The following MYO3B variants were observed in gnomAD, a reference collection of about 807,000 sequenced individuals.
The protein encoded by MYO3B is myosin IIIB.
Under a neutral mutation model 174.6 loss-of-function variants are expected in MYO3B, and 156 were observed. The observed-to-expected ratio is 0.89, with a 90% CI of 0.78 to 1.02. MYO3B has a LOEUF of 1.02. MYO3B is among the 50% of genes least tolerant of loss of function. The pLI is 0.00. For synonymous variants in MYO3B, 563 were observed against 569.1 expected, an observed-to-expected ratio of 0.99 and a Z score of 0.15; for missense variants, 1,632 against 1,639.4, an observed-to-expected ratio of 1.00 and a Z score of 0.08.
intron 32 of MYO3B, among the ~76,000 whole-genome samples, chr2:170,548,978 T>A (rs577971959): frequency 2.0e-5 from 3 of 152,354 alleles, no homozygotes; most frequent in Admixed American, 2.0e-4. Flanking sequence ...TGCTATGGTC[T>A]AAAAAACAGG....
chr2:170,649,141 T>A (rs1303860244), intron 32 of MYO3B, among the ~76,000 whole-genome samples: 17 of 71,308 alleles, frequency 2.4e-4, no homozygotes, highest in African/African-American at 1.1e-3. Flanking sequence ...AAATAATATA[T>A]AATATATTAT....
chr2:170,391,632 G>A lies in MYO3B; in HGVS notation c.1676+14G>A. 1 of 1,456,752 alleles carries A rather than the reference G, an allele frequency of 6.9e-7. No individual in the cohort carries two copies. Among genetic ancestry groups the A allele is most frequent in the Non-Finnish European group, 9.4e-7 (1 of 1,066,092 alleles). The allele number at this position is 1,456,752 out of a possible 1,614,324, so 90.2% of individuals were successfully genotyped here. A position where few individuals can be genotyped will look rare whatever the true frequency, so the allele number is the denominator to read the frequency against. ...AAAACCTCCTAGGTAAGTGTCAGGG[G>A]GGTTGGTTGTTAATTTTTGATGAAT... On this transcript the variant is annotated intron_variant, in intron 15 of 34. Transcript: ENST00000408978.
At chr2:170,391,936 C>G (rs1164710453) in intron 15 of MYO3B, among the ~76,000 whole-genome samples, 1 of 151,812 alleles carries the variant, frequency 6.6e-6, no homozygotes, top group East Asian at 1.9e-4. Context: ...GGGAGGATTA[C>G]TTGAAGCCTG....
chr2:170,587,099 T>C (rs1467913198), intron 32 of MYO3B, among the ~76,000 whole-genome samples: 1 of 152,240 alleles, frequency 6.6e-6, no homozygotes, highest in African/African-American at 2.4e-5. Flanking sequence ...AGAGAAAAAT[T>C]ACATAAACAT....
chr2:170,524,505 A>G (rs905598685), intron 30 of MYO3B: 1 of 449,640 alleles, frequency 2.2e-6, no homozygotes. Context: ...GTTTTTTGAG[A>G]TGGAGTTTCA....
chr2:170,585,982 A>G (rs1693476919), intron 32 of MYO3B, among the ~76,000 whole-genome samples: 1 of 152,156 alleles, frequency 6.6e-6, no homozygotes, highest in Non-Finnish European at 1.5e-5. Context: ...GGGAGGTTGC[A>G]TTCCAGCCTG....
chr2:170,614,545 T>A (rs964791708), intron 32 of MYO3B, among the ~76,000 whole-genome samples: 1 of 152,212 alleles, frequency 6.6e-6, no homozygotes, highest in African/African-American at 2.4e-5. Flanking sequence ...CACTTACTCC[T>A]CTTTGCTGTG....
intron 3 of MYO3B, among the ~76,000 whole-genome samples, chr2:170,210,910 A>G (rs981578691): frequency 6.6e-6 from 1 of 152,238 alleles, no homozygotes; most frequent in African/African-American, 2.4e-5. Flanking sequence ...GTAACTACAC[A>G]GACAGGCAGA....
intron 25 of MYO3B, among the ~76,000 whole-genome samples, chr2:170,470,621 A>T (rs1684927750): frequency 6.6e-6 from 1 of 152,208 alleles, no homozygotes; most frequent in African/African-American, 2.4e-5. Flanking sequence ...GTATATACCT[A>T]CGAGTAGAAT....
At chr2:170,632,378 A>C (rs1339698515) in intron 32 of MYO3B, among the ~76,000 whole-genome samples, 3 of 152,222 alleles carry the variant, frequency 2.0e-5, no homozygotes, top group African/African-American at 7.2e-5. Context: ...CTGAATGACT[A>C]CTGGGTACAT....
At chr2:170,372,562 G>A (rs1187453897) in intron 9 of MYO3B, among the ~76,000 whole-genome samples, 2 of 152,196 alleles carry the variant, frequency 1.3e-5, no homozygotes, top group Non-Finnish European at 2.9e-5. Context: ...CAGGCCCTAT[G>A]CTGAACAGAG....
At chr2:170,432,579 A>ATT (rs777859423) in intron 22 of MYO3B, among the ~76,000 whole-genome samples, 5 of 145,340 alleles carry the variant, frequency 3.4e-5, no homozygotes, top group Admixed American at 6.9e-5. Context: ...AAAAAAAGAA[A>ATT]TTTTTTTTTT....
chr2:170,623,926 G>C (rs192290175), intron 32 of MYO3B, among the ~76,000 whole-genome samples: 283 of 152,176 alleles, frequency 1.9e-3, no homozygotes, highest in Non-Finnish European at 3.3e-3. Context: ...TGTTCCATTG[G>C]TCTATATTTC....
intron 32 of MYO3B, among the ~76,000 whole-genome samples, chr2:170,590,531 G>A (rs189323819): frequency 4.7e-4 from 71 of 151,496 alleles, no homozygotes; most frequent in South Asian, 8.4e-4. Flanking sequence ...ACCAGCTGAG[G>A]CTACTTTCTT....
intron 32 of MYO3B, among the ~76,000 whole-genome samples, chr2:170,581,096 A>C (rs1693118393): frequency 6.6e-6 from 1 of 152,198 alleles, no homozygotes; most frequent in African/African-American, 2.4e-5. Flanking sequence ...AATATTGCCA[A>C]CTTGCTCTCC....
chr2:170,555,936 T>C (rs80305894), intron 32 of MYO3B, among the ~76,000 whole-genome samples: 18,619 of 150,488 alleles, frequency 0.12, 2,140 homozygotes, highest in African/African-American at 0.31. Context: ...TGGCTCATGC[T>C]TGTAATCCCA....
Position 170,391,626 on chromosome 2 carries a change from T to C in MYO3B, c.1676+8T>C. ...TGAGGAAAAACCTCCTAGGTAAGTG[T>C]CAGGGGGGTTGGTTGTTAATTTTTG... On this transcript the variant is annotated splice_region_variant and intron_variant, in intron 15 of 34. Coordinates refer to ENST00000408978, the MANE Select transcript of MYO3B (RefSeq NM_138995.5). The C allele has an allele frequency of 6.7e-7, 1 of 1,494,614 alleles. No homozygotes were observed. The highest frequency in any genetic ancestry group is 9.1e-7 in the Non-Finnish European group (1 of 1,097,800). 92.6% of individuals were successfully genotyped at this position (1,494,614 alleles called of 1,614,324 possible). A position where few individuals can be genotyped will look rare whatever the true frequency, so the allele number is the denominator to read the frequency against.
chr2:170,624,024 T>C lies in MYO3B; in HGVS notation c.3734-27604T>C, dbSNP rs183491246. ...GGTAGTGTGATGCCTCCAGCTTTGTTCTTTTGGCTTCAGATTGACTTGGCA... is the reference window on the plus strand; with the variant it reads ...GGTAGTGTGATGCCTCCAGCTTTGTCCTTTTGGCTTCAGATTGACTTGGCA... On this transcript the variant is annotated intron_variant, in intron 32 of 34. Coordinates refer to ENST00000408978, the MANE Select transcript of MYO3B (RefSeq NM_138995.5). Among the ~76,000 whole-genome samples the C allele has an allele frequency of 6.6e-5, 10 of 152,372 alleles. No individual in the cohort carries two copies. The East Asian group carries it at 1.7e-3, about 26-fold the overall frequency.
At chr2:170,413,810 C>T (rs1449616921) in intron 22 of MYO3B, among the ~76,000 whole-genome samples, 3 of 151,954 alleles carry the variant, frequency 2.0e-5, no homozygotes, top group Admixed American at 2.0e-4. Context: ...GAGGCCGAGG[C>T]GGGTGGATCA....
Sources: allele counts gnomAD v4.1 joint callset (sites outside exome capture counted in the v4.1 genomes callset), GRCh38; gene constraint gnomAD v4.1.1; transcripts MANE v1.5; gene names NCBI Gene and HGNC (gene_info 2026-07-23, HGNC 2026-07-21).